The following CFAP299 variants were observed in gnomAD, a reference collection of about 807,000 sequenced individuals.
The protein encoded by CFAP299 is cilia and flagella associated protein 299, also known as cilia- and flagella-associated protein 299.
CFAP299 carries 21 observed loss-of-function variants against 27.0 expected under a neutral mutation model. The ratio of observed to expected loss-of-function variants is 0.78; its 90% confidence interval spans 0.55 to 1.12. The LOEUF (loss-of-function observed/expected upper bound fraction) is 1.12. Among genes scored for constraint, CFAP299 ranks in the 50% most tolerant of loss-of-function variants. The probability of loss-of-function intolerance (pLI) is 0.00; values close to 1 mark genes in which losing one functional copy is unlikely to be tolerated. For synonymous variants in CFAP299, 104 were observed against 98.1 expected (o/e 1.06, Z -0.36); for missense variants, 310 against 276.6 (o/e 1.12, Z -0.86).
chr4:80,376,268 T>C (rs1435381898), intron 2 of CFAP299, among the ~76,000 whole-genome samples: 6 of 152,220 alleles, frequency 3.9e-5, no homozygotes, highest in Admixed American at 2.0e-4. Context: ...TTGAGTAATA[T>C]GGCATTTTCT....
At chr4:80,477,773 G>T (rs1210459047) in intron 2 of CFAP299, among the ~76,000 whole-genome samples, 2 of 152,062 alleles carry the variant, frequency 1.3e-5, no homozygotes, top group Non-Finnish European at 2.9e-5. Context: ...ACTTAGTTTA[G>T]ATTCTATGGT....
At chr4:80,634,023 C>T (rs1233198743) in intron 3 of CFAP299, among the ~76,000 whole-genome samples, 4 of 139,926 alleles carry the variant, frequency 2.9e-5, no homozygotes, top group South Asian at 2.3e-4. Context: ...CTAGCTCTGT[C>T]GCCCAGGCTG....
chr4:80,656,980 T>A lies in CFAP299; in HGVS notation c.333+73797T>A, dbSNP rs148410276. On this transcript the variant is annotated intron_variant, in intron 3 of 5. Transcript: ENST00000358105. The stretch of plus-strand genomic sequence containing the variant: ...CTTGCATTTCTCTAGTGACCTGTGA[T>A]GATGAGCTTTTTTTCATATGTTTGT... Among the ~76,000 whole-genome samples, 771 of 152,368 alleles carry A rather than the reference T, an allele frequency of 5.1e-3. 5 individuals are homozygous for A. Among genetic ancestry groups the A allele is most frequent in the Middle Eastern group, 0.02 (6 of 294 alleles).
In CFAP299 at chr4:80,390,972, T is replaced by C. The variant is rs1174028488; in HGVS notation, c.242+28088T>C. ...ACACACATGTATATATGTATATATGTATGTACACACATGTATATATGTATA... is the reference window on the plus strand; with the variant it reads ...ACACACATGTATATATGTATATATGCATGTACACACATGTATATATGTATA... On this transcript the variant is annotated intron_variant, in intron 2 of 5. Transcript: ENST00000358105. 5.2e-4 allele frequency among the ~76,000 whole-genome samples: 76 copies of C among 144,990 alleles called. 1 individual carries two copies. The highest frequency in any genetic ancestry group is 1.7e-3 in the African/African-American group (69 of 39,460).
Position 80,588,235 on chromosome 4 carries a change from C to T in CFAP299, c.333+5052C>T, listed in dbSNP as rs1736547437. On this transcript the variant is annotated intron_variant, in intron 3 of 5. Transcript: ENST00000358105. The stretch of plus-strand genomic sequence containing the variant: ...GTGGCTCCTGTCAGCTAAGGACAGT[C>T]CTTTCAAGGAGGGTACAGGTGGGAA... Among the ~76,000 whole-genome samples, 4 of 150,904 alleles carry T rather than the reference C, an allele frequency of 2.7e-5. No individual in the cohort carries two copies. In the South Asian group the frequency reaches 8.3e-4, roughly 31 times the overall value.
intron 3 of CFAP299, among the ~76,000 whole-genome samples, chr4:80,752,878 T>C (rs1284864127): frequency 6.6e-6 from 1 of 152,158 alleles, no homozygotes; most frequent in African/African-American, 2.4e-5. Flanking sequence ...TATGCCACTT[T>C]GTCTATAGTG....
intron 3 of CFAP299, among the ~76,000 whole-genome samples, chr4:80,857,618 G>A (rs139840075): frequency 0.02 from 3,018 of 152,204 alleles, 67 homozygotes; most frequent in Admixed American, 0.061. Flanking sequence ...AGCATGAAGC[G>A]TTGTTGAATT....
chr4:80,507,764 G>A (rs1732106720), intron 2 of CFAP299, among the ~76,000 whole-genome samples: 1 of 152,156 alleles, frequency 6.6e-6, no homozygotes, highest in Non-Finnish European at 1.5e-5. Flanking sequence ...CACTACAGCT[G>A]CCAAGTGGCA....
chr4:80,698,882 TA>T (rs1721283937), intron 3 of CFAP299, among the ~76,000 whole-genome samples: 1 of 152,116 alleles, frequency 6.6e-6, no homozygotes, highest in Admixed American at 6.6e-5. Context: ...CCCTATGATC[TA>T]ATCACCTCCC....
chr4:80,720,253 G>C (rs1722736242), intron 3 of CFAP299, among the ~76,000 whole-genome samples: 1 of 152,150 alleles, frequency 6.6e-6, no homozygotes, highest in Non-Finnish European at 1.5e-5. Context: ...CCTGGAGCAA[G>C]AGAGAATGAA....
At chr4:80,620,474 G>A (rs1258585979) in intron 3 of CFAP299, among the ~76,000 whole-genome samples, 5 of 152,106 alleles carry the variant, frequency 3.3e-5, no homozygotes, top group Non-Finnish European at 7.4e-5. Flanking sequence ...TCATATAACA[G>A]TTTTGAAAAG....
intron 2 of CFAP299, among the ~76,000 whole-genome samples, chr4:80,515,643 G>A (rs1019359950): frequency 2.0e-5 from 3 of 152,120 alleles, no homozygotes; most frequent in Admixed American, 1.3e-4. Flanking sequence ...CAGGGAGTTA[G>A]GATAACAAGC....
chr4:80,953,064 A>G (rs1737865277), intron 5 of CFAP299, among the ~76,000 whole-genome samples: 1 of 152,340 alleles, frequency 6.6e-6, no homozygotes, highest in South Asian at 2.1e-4. Context: ...GGAGCTATAT[A>G]TAATCCCTTT....
intron 3 of CFAP299, among the ~76,000 whole-genome samples, chr4:80,613,005 G>T (rs1738078281): frequency 6.6e-6 from 1 of 152,082 alleles, no homozygotes; most frequent in Non-Finnish European, 1.5e-5. Flanking sequence ...TGCTGGACAT[G>T]TTATGAGGCT....
At chr4:80,641,195 A>G (rs1267143274) in intron 3 of CFAP299, among the ~76,000 whole-genome samples, 2 of 152,050 alleles carry the variant, frequency 1.3e-5, no homozygotes, top group African/African-American at 4.8e-5. Flanking sequence ...ATATTTAGCT[A>G]TATAAACTAT....
intron 2 of CFAP299, among the ~76,000 whole-genome samples, chr4:80,456,091 T>C (rs1219987993): frequency 2.6e-5 from 4 of 151,984 alleles, no homozygotes; most frequent in Admixed American, 1.3e-4. Flanking sequence ...GAAGATGACA[T>C]TTGAGCAAAA....
intron 2 of CFAP299, among the ~76,000 whole-genome samples, chr4:80,576,625 T>G (rs965864779): frequency 6.6e-6 from 1 of 152,170 alleles, no homozygotes; most frequent in Non-Finnish European, 1.5e-5. Context: ...GTAAGCTATG[T>G]TTTCATAGAT....
chr4:80,432,977 A>G (rs1471856430), intron 2 of CFAP299, among the ~76,000 whole-genome samples: 3 of 152,256 alleles, frequency 2.0e-5, no homozygotes, highest in Non-Finnish European at 2.9e-5. Flanking sequence ...TACTCATCTT[A>G]TATTCCTGAT....
intron 2 of CFAP299, among the ~76,000 whole-genome samples, chr4:80,573,867 T>C (rs941868663): frequency 3.3e-5 from 5 of 152,184 alleles, no homozygotes; most frequent in African/African-American, 1.2e-4. Flanking sequence ...TACAGCTCCA[T>C]AGTATAATTT....
Sources: gnomAD v4.1 joint callset for allele counts (sites outside exome capture counted in the v4.1 genomes callset) on GRCh38, gnomAD v4.1.1 for gene constraint, MANE v1.5 for transcripts, NCBI Gene and HGNC (gene_info 2026-07-23, HGNC 2026-07-21) for gene names.